The following FBXW5 variants were observed in gnomAD, a reference collection of about 807,000 sequenced individuals.
FBXW5 encodes F-box and WD repeat domain containing 5.
In FBXW5, 74 loss-of-function variants were observed where a neutral mutation model predicts 50.9. The ratio of observed to expected loss-of-function variants is 1.45; its 90% CI spans 1.20 to 1.76. The LOEUF (loss-of-function observed/expected upper bound fraction) is 1.76, where lower values mean the gene tolerates loss of function less well. FBXW5 is among the 40% of genes most tolerant of loss of function. The pLI, the probability that FBXW5 is intolerant of heterozygous loss-of-function variation, is 0.00. For missense variants in FBXW5, 1,073 were observed against 818.8 expected (o/e 1.31, Z -3.79); for synonymous variants, 523 against 362.2 (o/e 1.44, Z -5.04).
intron 1 of FBXW5, 190 bp downstream of exon 1, chr9:136,944,404 G>A (rs1210826744): frequency 1.3e-6 from 1 of 792,436 alleles, no homozygotes; most frequent in African/African-American, 1.9e-5. Context: ...TCCGGGGACG[G>A]GCTTCCGCCG....
chr9:136,940,968 G>A lies in FBXW5; in HGVS notation c.1661C>T (p.Pro554Leu). The change falls in exon 9 of 9, where the codon CCT becomes CTT. Residue 554 changes from proline (P) to leucine (L), a missense_variant. Transcript: ENST00000325285. Reference protein sequence around the residue: ...MRVLQAPRPRPRTFFSWLASQ... With the variant: ...MRVLQAPRPRLRTFFSWLASQ... ...GGCAAGCCAGGAGAAGAAGGTGCGA[G>A]GCCGTGGGCGAGGTGCCTGGAGGAC... 1.9e-6 allele frequency: 3 copies of A among 1,565,400 alleles called. No homozygotes were observed. Among genetic ancestry groups the A allele is most frequent in the Non-Finnish European group, 2.6e-6 (3 of 1,155,232 alleles).
chr9:136,942,827 C>G lies in FBXW5; in HGVS notation c.468G>C (p.Ser156=). 2 of 1,613,360 alleles carry G rather than the reference C, an allele frequency of 1.2e-6. No individual in the cohort carries two copies. Among genetic ancestry groups the G allele is most frequent in the South Asian group, 1.1e-5 (1 of 91,076 alleles). Residue 156 remains serine, a synonymous_variant, in exon 4 of 9, where the codon TCG becomes TCC. Coordinates refer to ENST00000325285, the MANE Select transcript of FBXW5 (RefSeq NM_018998.4). ...FNKDDSLLLA[S]GVFLGPHNSS... ...AGTTGTGCGGCCCCAGGAACACCCC[C>G]GAGGCCAGCAGTAGCGAGTCGTCCT...
Position 136,943,353 on chromosome 9 carries a change from A to C in FBXW5, c.347T>G (p.Val116Gly). 6.2e-7 allele frequency: 1 copy of C among 1,609,430 alleles called. No individual in the cohort carries two copies. Among genetic ancestry groups the C allele is most frequent in the Non-Finnish European group, 8.5e-7 (1 of 1,178,518 alleles). Residue 116 changes from valine to glycine, a missense_variant, in exon 3 of 9, where the codon GTG becomes GGG. Val to Gly is a moderately radical substitution (Grantham distance 109, BLOSUM62 -3). Transcript: ENST00000325285. ...QFASCSKDCT[V>G]KIWSNDLTIS... is the part of the protein sequence containing the mutation. ...AGGACACCTGGCCGTCCTCACCTTC[A>C]CAGTGCAGTCCTTGGAGCAGGACGC...
In FBXW5 at chr9:136,940,701, T is replaced by A; in HGVS notation, c.*227A>T. 1.6e-6 allele frequency: 1 copy of A among 634,214 alleles called. No individual in the cohort carries two copies. The highest frequency in any genetic ancestry group is 2.7e-6 in the Non-Finnish European group (1 of 377,068). The allele number at this position is 634,214 out of a possible 1,614,324, so 39.3% of individuals were successfully genotyped here. A position where few individuals can be genotyped will look rare whatever the true frequency, so the allele number is the denominator to read the frequency against. On this transcript the variant is annotated 3_prime_UTR_variant, in exon 9 of 9. Coordinates refer to ENST00000325285, the MANE Select transcript of FBXW5 (RefSeq NM_018998.4). The stretch of plus-strand genomic sequence containing the variant: ...CCCCAGTATCCTGTGTACCCCAAGT[T>A]GCCCAGGAGGCCGAGGGGGCCTTGG...
At chr9:136,943,582 C>T in intron 2 of FBXW5, 76 bp from the exon 3 acceptor site, 2 of 1,517,294 alleles carry the variant, frequency 1.3e-6, no homozygotes, top group Non-Finnish European at 1.8e-6. Context: ...GTGGCCCCAG[C>T]AGTCCTGGCA....
In FBXW5 at chr9:136,941,687, G is replaced by A. The variant is rs111988092; in HGVS notation, c.1097-3C>T. ...GTGTGGCAGGATCTGCTTGATGCCT[G>A]CAGGGAGGGCTACGGTGAGGGTCCC... On this transcript the variant is annotated splice_region_variant and splice_polypyrimidine_tract_variant and intron_variant, in intron 6 of 8. Transcript: ENST00000325285. 2 of 1,553,432 alleles carry A rather than the reference G, an allele frequency of 1.3e-6. No homozygotes were observed. Among genetic ancestry groups the A allele is most frequent in the African/African-American group, 1.4e-5 (1 of 73,388 alleles).
rs774271110 is a variant in FBXW5 at position 136,943,193 on chromosome 9, C to T, written c.351+156G>A. 4.3e-4 allele frequency among the ~76,000 whole-genome samples: 65 copies of T among 152,276 alleles called. 1 individual carries two copies. Among genetic ancestry groups the T allele is most frequent in the Admixed American group, 1.5e-3 (23 of 15,302 alleles). Reference sequence around the variant, plus strand: ...GGGCCACCCTGCACCGCTCCTGATCCTCTGTGGTCCCTCCGCTGGATGCAG... The same window carrying T: ...GGGCCACCCTGCACCGCTCCTGATCTTCTGTGGTCCCTCCGCTGGATGCAG... On this transcript the variant is annotated intron_variant, in intron 3 of 8. Transcript: ENST00000325285.
chr9:136,940,612 GC>G lies in FBXW5; in HGVS notation c.*315del. 1 of 383,490 alleles carries G rather than the reference GC, an allele frequency of 2.6e-6. No individual in the cohort carries two copies. 23.8% of individuals were successfully genotyped at this position (383,490 alleles called of 1,614,324 possible). A position where few individuals can be genotyped will look rare whatever the true frequency, so the allele number is the denominator to read the frequency against. On this transcript the variant is annotated 3_prime_UTR_variant, in exon 9 of 9. Coordinates refer to ENST00000325285, the MANE Select transcript of FBXW5 (RefSeq NM_018998.4). ...GGGCCCCACAGGACCAGCCGAAGGT[GC>G]CCCGGGCCGAGGCCAGCTGGGTCAG...
rs747203931 is a variant in FBXW5 at position 136,943,454 on chromosome 9, G to T, written c.246C>A (p.Cys82Ter). ...EFQRLYDTVP[C>*]VEVQTLREHT... ...GTTCCCGCAGCGTCTGCACCTCCACGCAGGGCACCGTGTCATACAGCCGCT... is the reference window on the plus strand; with the variant it reads ...GTTCCCGCAGCGTCTGCACCTCCACTCAGGGCACCGTGTCATACAGCCGCT... Residue 82 changes from cysteine to a stop codon, truncating the protein, a stop_gained, in exon 3 of 9, where the codon TGC (cysteine) becomes TGA (stop). Coordinates refer to ENST00000325285, the MANE Select transcript of FBXW5 (RefSeq NM_018998.4). LOFTEE classifies it high-confidence loss of function. 2 of 1,612,644 alleles carry T rather than the reference G, an allele frequency of 1.2e-6. No homozygotes were observed. Among genetic ancestry groups the T allele is most frequent in the South Asian group, 2.2e-5 (2 of 91,084 alleles).
At position 136,941,558 on chromosome 9, in the gene FBXW5, A is replaced by AT; in HGVS notation, c.1222dup (p.Met408AsnfsTer37). The AT allele has an allele frequency of 2.5e-6, 4 of 1,611,354 alleles. No individual in the cohort carries two copies. Among genetic ancestry groups the AT allele is most frequent in the Non-Finnish European group, 2.5e-6 (3 of 1,179,708 alleles). On this transcript the variant is annotated frameshift_variant, in exon 7 of 9. Transcript: ENST00000325285. LOFTEE classifies it high-confidence loss of function. Reference sequence around the variant, plus strand: ...CCACCTGTTGTCGGGCGACAGGCCCATGCCGATGATGTGTCCGTGTATGTC... The same window carrying AT: ...CCACCTGTTGTCGGGCGACAGGCCCATTGCCGATGATGTGTCCGTGTATGTC...
intron 3 of FBXW5, 61 bp downstream of exon 3, chr9:136,943,288 C>T: frequency 1.4e-6 from 2 of 1,394,936 alleles, no homozygotes; most frequent in South Asian, 1.2e-5. Flanking sequence ...CGCCTGGGTC[C>T]TGGGACCTCC....
At chr9:136,943,675 T>C (rs1206641788) in intron 2 of FBXW5, among the ~76,000 whole-genome samples, 169 bp from the exon 3 acceptor site, 2 of 152,042 alleles carry the variant, frequency 1.3e-5, no homozygotes, top group African/African-American at 4.8e-5. Context: ...CAGAGACCCC[T>C]GTACCCCCCA....
chr9:136,943,773 G>A, intron 2 of FBXW5, 118 bp downstream of exon 2: 2 of 1,206,360 alleles, frequency 1.7e-6, no homozygotes, highest in Non-Finnish European at 1.2e-6. Flanking sequence ...CAGGGTGTGG[G>A]GGGGTGAGCA....
Position 136,942,540 on chromosome 9 carries a change from C to CA in FBXW5, c.675+6dup. On this transcript the variant is annotated splice_region_variant and intron_variant, in intron 5 of 8. Transcript: ENST00000325285. ...GAGGGCAGCCCCGCCCCTAGCCCCGCACGCACCTGGAAGGCATTGTTGAGC... is the reference window on the plus strand; with the variant it reads ...GAGGGCAGCCCCGCCCCTAGCCCCGCAACGCACCTGGAAGGCATTGTTGAGC... 2 of 1,609,148 alleles carry CA rather than the reference C, an allele frequency of 1.2e-6. No individual in the cohort carries two copies. The highest frequency in any genetic ancestry group is 1.7e-6 in the Non-Finnish European group (2 of 1,177,282).
In FBXW5 at chr9:136,940,754, C is replaced by G. The variant is rs1055924027; in HGVS notation, c.*174G>C. 4 of 1,119,618 alleles carry G rather than the reference C, an allele frequency of 3.6e-6. No individual in the cohort carries two copies. The highest frequency in any genetic ancestry group is 1.6e-5 in the African/African-American group (1 of 63,674). The allele number at this position is 1,119,618 out of a possible 1,614,324, so 69.4% of individuals were successfully genotyped here. A position where few individuals can be genotyped will look rare whatever the true frequency, so the allele number is the denominator to read the frequency against. On this transcript the variant is annotated 3_prime_UTR_variant, in exon 9 of 9. Coordinates refer to ENST00000325285, the MANE Select transcript of FBXW5 (RefSeq NM_018998.4). ...TCCATCTGCACTGGCCACCCCGTGCCAAGCATCACAGCTGCGTGAGCAGGT... is the reference window on the plus strand; with the variant it reads ...TCCATCTGCACTGGCCACCCCGTGCGAAGCATCACAGCTGCGTGAGCAGGT...
chr9:136,943,257 C>CA (rs954923437), intron 3 of FBXW5, 92 bp downstream of exon 3: 218 of 1,225,518 alleles, frequency 1.8e-4, no homozygotes, highest in Admixed American at 4.0e-4. Flanking sequence ...CACCCCCCCC[C>CA]CCACCACCAC....
At chr9:136,941,957 ACTTG>A (rs1184812812) in intron 6 of FBXW5, 85 bp downstream of exon 6, 8 of 1,467,436 alleles carry the variant, frequency 5.5e-6, no homozygotes, top group South Asian at 1.4e-5. Flanking sequence ...TTGCCTGTGG[ACTTG>A]CTTGCTGTCT....
rs375316084 is a variant in FBXW5, at chr9:136,940,932, C to T, written c.1697G>A (p.Arg566His). The change falls in exon 9 of 9, where the codon CGC (arginine) becomes CAC (histidine). Residue 566 changes from arginine to histidine, a missense_variant. Transcript: ENST00000325285. ...TFFSWLASQR[R>H] The stretch of plus-strand genomic sequence containing the variant: ...CTCCAGTGCACCCAGCACACCTCAG[C>T]GCCTCTGGCTGGCAAGCCAGGAGAA... The T allele has an allele frequency of 4.4e-5, 69 of 1,576,614 alleles. No individual in the cohort carries two copies. The highest frequency in any genetic ancestry group is 1.9e-4 in the Middle Eastern group (1 of 5,306).
At chr9:136,943,120 T>C (rs1462462293) in intron 3 of FBXW5, 177 bp from the exon 4 acceptor site, 2 of 1,115,320 alleles carry the variant, frequency 1.8e-6, no homozygotes, top group Non-Finnish European at 2.6e-6. Flanking sequence ...CGGAGGAGCC[T>C]GCCCCTGAAG....
Sources: gnomAD v4.1 joint callset for allele counts (sites outside exome capture counted in the v4.1 genomes callset) on GRCh38, gnomAD v4.1.1 for gene constraint, MANE v1.5 for transcripts, NCBI Gene and HGNC (gene_info 2026-07-23, HGNC 2026-07-21) for gene names.